Variants in RBFOX2 observed in about 807,000 individuals in gnomAD.
RBFOX2 encodes the protein RNA binding protein fox-1 homolog 2.
In RBFOX2, 10 loss-of-function variants were observed where a neutral mutation model predicts 49.1. That is an observed-to-expected ratio of 0.20 (90% CI 0.13 to 0.35). The LOEUF (loss-of-function observed/expected upper bound fraction) is 0.35, where lower values mean the gene tolerates loss of function less well. Among genes scored for constraint, RBFOX2 ranks in the 10% least tolerant of loss-of-function variants. The pLI is 1.00. For synonymous variants in RBFOX2, 183 were observed against 187.4 expected (o/e 0.98, Z 0.19); for missense variants, 323 against 486.9 (o/e 0.66, Z 3.17).
chr22:35,974,788 C>T (rs563754897), intron 1 of RBFOX2, among the ~76,000 whole-genome samples: 2 of 152,276 alleles, frequency 1.3e-5, no homozygotes, highest in East Asian at 3.9e-4. Context: ...GGCATCCCCC[C>T]TCATCTTATT....
intron 1 of RBFOX2, among the ~76,000 whole-genome samples, chr22:35,914,497 A>C (rs2050186313): frequency 6.6e-6 from 1 of 152,248 alleles, no homozygotes; most frequent in African/African-American, 2.4e-5. Context: ...AATTGGGGCT[A>C]AAAGCCAGTT....
intron 1 of RBFOX2, among the ~76,000 whole-genome samples, chr22:36,020,959 C>T (rs1355351706): frequency 6.6e-6 from 1 of 151,948 alleles, no homozygotes. Context: ...ATGTTTACTG[C>T]AGCACTATTC....
chr22:36,028,381 G>T, exon 1 of RBFOX2: 2 of 1,320,212 alleles, frequency 1.5e-6, no homozygotes, highest in South Asian at 2.2e-5. Flanking sequence ...CGGCGGCGCC[G>T]GGCCCGAGCT....
intron 1 of RBFOX2, among the ~76,000 whole-genome samples, chr22:35,846,328 A>C (rs1225667779): frequency 9.5e-6 from 1 of 105,272 alleles, no homozygotes; most frequent in Non-Finnish European, 1.9e-5. Flanking sequence ...AAATTTATAT[A>C]GTTGTGTGTG....
At chr22:35,771,927 A>G (rs1038370764) in intron 4 of RBFOX2, among the ~76,000 whole-genome samples, 4 of 152,204 alleles carry the variant, frequency 2.6e-5, no homozygotes, top group African/African-American at 9.6e-5. Context: ...TAGAAATTGA[A>G]TTGACATTAA....
intron 9 of RBFOX2, chr22:35,750,304 T>C: frequency 1.7e-6 from 1 of 599,198 alleles, no homozygotes; most frequent in Non-Finnish European, 2.9e-6. Context: ...ATAATTCATT[T>C]GGAGATATGA....
chr22:35,746,679 T>C (rs1027289516), intron 9 of RBFOX2, 118 bp from the exon 12 acceptor site: 5 of 467,628 alleles, frequency 1.1e-5, no homozygotes, highest in Non-Finnish European at 1.5e-5. Context: ...GACACAAACA[T>C]AGACACACAC....
At chr22:35,882,811 T>C (rs2046084526) in intron 1 of RBFOX2, among the ~76,000 whole-genome samples, 1 of 152,146 alleles carries the variant, frequency 6.6e-6, no homozygotes, top group Non-Finnish European at 1.5e-5. Flanking sequence ...ATCTGGTACT[T>C]ATGACTTGTA....
intron 1 of RBFOX2, among the ~76,000 whole-genome samples, chr22:35,865,209 G>A (rs947009338): frequency 6.6e-6 from 1 of 152,108 alleles, no homozygotes; most frequent in Middle Eastern, 3.2e-3. Context: ...AGATTAAAGA[G>A]GGATTTAGGA....
At chr22:35,817,736 A>G (rs1403862142) in intron 1 of RBFOX2, among the ~76,000 whole-genome samples, 1 of 152,124 alleles carries the variant, frequency 6.6e-6, no homozygotes, top group Non-Finnish European at 1.5e-5. Flanking sequence ...GCAGTCATGT[A>G]AGGGGGCGTT....
intron 1 of RBFOX2, chr22:35,993,004 A>G (rs373269866): frequency 2.6e-5 from 4 of 152,246 alleles, no homozygotes; most frequent in Non-Finnish European, 5.9e-5. Flanking sequence ...CAAGCAAAAC[A>G]TAACATACAA....
chr22:35,916,170 T>C (rs2050380889), intron 1 of RBFOX2, among the ~76,000 whole-genome samples: 1 of 152,240 alleles, frequency 6.6e-6, no homozygotes, highest in Non-Finnish European at 1.5e-5. Flanking sequence ...TAGATTTAAA[T>C]GCCTGTTCTA....
exon 12 of RBFOX2, chr22:35,742,480 G>A (rs1930434363): frequency 6.6e-6 from 1 of 152,636 alleles, no homozygotes; most frequent in African/African-American, 2.4e-5. Context: ...GTGGAGGCAG[G>A]AGTTAAAAAC....
rs1021758966 is a variant in RBFOX2 at position 35,749,923 on chromosome 22, T to C, written c.888-3362A>G. Among the ~76,000 whole-genome samples, 12 of 152,206 alleles carry C rather than the reference T, an allele frequency of 7.9e-5. No homozygotes were observed. The highest frequency in any genetic ancestry group is 2.7e-4 in the African/African-American group (11 of 41,460). On this transcript the variant is annotated intron_variant, in intron 9 of 11. Transcript: ENST00000405409. The surrounding 1 kb of genome is among the most constrained non-coding windows in gnomAD (Gnocchi z 4.1). ...CAAAATCACCACGTTCAGACTCGTA[T>C]TGGCTAACTCTATCTATCCCAGCAT... is the stretch of plus-strand genomic sequence containing the variant.
chr22:35,776,892 T>C (rs1602555829), intron 4 of RBFOX2, among the ~76,000 whole-genome samples: 1 of 152,328 alleles, frequency 6.6e-6, no homozygotes, highest in East Asian at 1.9e-4. Flanking sequence ...TTTTTTTTTT[T>C]TTCACAACAC....
At chr22:35,915,234 G>A (rs1569485115) in intron 1 of RBFOX2, among the ~76,000 whole-genome samples, 1 of 152,226 alleles carries the variant, frequency 6.6e-6, no homozygotes, top group South Asian at 2.1e-4. Context: ...AGAGAAGGGA[G>A]GGTTTGGGGA....
intron 1 of RBFOX2, among the ~76,000 whole-genome samples, chr22:35,983,388 G>A (rs577794196): frequency 2.0e-5 from 3 of 152,210 alleles, no homozygotes; most frequent in African/African-American, 4.8e-5. Context: ...GACAGGAAAG[G>A]GATATAGTAA....
intron 1 of RBFOX2, among the ~76,000 whole-genome samples, chr22:35,924,939 C>A (rs954153065): frequency 3.3e-5 from 5 of 151,932 alleles, no homozygotes; most frequent in African/African-American, 4.8e-5. Flanking sequence ...TCTGGGAAGC[C>A]GAGGTGGGCG....
intron 1 of RBFOX2, among the ~76,000 whole-genome samples, chr22:35,851,779 C>T (rs953785311): frequency 1.3e-5 from 2 of 150,698 alleles, no homozygotes; most frequent in African/African-American, 2.4e-5. Flanking sequence ...CCACCGCAGC[C>T]GAGATCCCGC....
Sources: allele counts gnomAD v4.1 joint callset (sites outside exome capture counted in the v4.1 genomes callset), GRCh38; gene constraint gnomAD v4.1.1; non-coding constraint Gnocchi (gnomAD v3.1); transcripts MANE v1.5; gene names NCBI Gene and HGNC (gene_info 2026-07-23, HGNC 2026-07-21).